GMDS: variants seen among roughly 807,000 people sequenced by gnomAD.
GMDS encodes the protein GDP-mannose 4,6 dehydratase.
Under a neutral mutation model 49.9 loss-of-function variants are expected in GMDS, and 20 were observed. The ratio of observed to expected loss-of-function variants is 0.40; its 90% CI spans 0.28 to 0.58. The LOEUF (loss-of-function observed/expected upper bound fraction) is 0.58, where lower values mean the gene tolerates loss of function less well. GMDS is among the 20% of genes least tolerant of loss of function. The pLI is 0.42. For missense variants in GMDS, 362 were observed against 481.4 expected (o/e 0.75, Z 2.32); for synonymous variants, 177 against 178.6 (o/e 0.99, Z 0.07).
chr6:2,192,969 G>A (rs531067120), intron 1 of GMDS, among the ~76,000 whole-genome samples: 1 of 152,332 alleles, frequency 6.6e-6, no homozygotes, highest in Non-Finnish European at 1.5e-5. Context: ...ACTATTTCCA[G>A]AAAGTGGCAG....
chr6:1,933,329 C>T (rs1409671762), intron 6 of GMDS, among the ~76,000 whole-genome samples: 2 of 152,192 alleles, frequency 1.3e-5, no homozygotes, highest in African/African-American at 4.8e-5. Context: ...GTGAATAATG[C>T]TACCATGAGC....
intron 1 of GMDS, among the ~76,000 whole-genome samples, chr6:2,167,647 T>G (rs889691056): frequency 6.6e-6 from 1 of 152,072 alleles, no homozygotes; most frequent in South Asian, 2.1e-4. Flanking sequence ...ACACGTAATA[T>G]GCCCTTTCCT....
intron 2 of GMDS, 41 bp from the exon 3 acceptor site, chr6:2,117,597 A>T (rs1774916282): frequency 1.0e-6 from 1 of 961,528 alleles, no homozygotes; most frequent in South Asian, 1.3e-5. Context: ...TGCAATGAGG[A>T]CTAATAAACA....
chr6:2,240,509 C>A (rs966551315), intron 1 of GMDS, among the ~76,000 whole-genome samples: 1 of 150,196 alleles, frequency 6.7e-6, no homozygotes, highest in Admixed American at 6.7e-5. Context: ...GCAGCTAAGG[C>A]ACGAGAATCA....
At chr6:2,093,589 T>C (rs556312437) in intron 4 of GMDS, among the ~76,000 whole-genome samples, 88 of 152,226 alleles carry the variant, frequency 5.8e-4, no homozygotes, top group African/African-American at 2.1e-3. Flanking sequence ...AATATGAGGT[T>C]AAAAATCATT....
intron 7 of GMDS, among the ~76,000 whole-genome samples, chr6:1,889,812 A>G (rs1050267133): frequency 1.3e-5 from 2 of 152,152 alleles, no homozygotes; most frequent in Admixed American, 6.5e-5. Context: ...GTGTACTTTC[A>G]GTGTCTATGG....
At chr6:1,757,678 G>C (rs1440398581) in intron 7 of GMDS, among the ~76,000 whole-genome samples, 5 of 152,192 alleles carry the variant, frequency 3.3e-5, no homozygotes, top group Non-Finnish European at 7.3e-5. Flanking sequence ...TAGGTTTCTT[G>C]GTTGAAGTGT....
In GMDS at chr6:1,749,690, T is replaced by C. The variant is rs112423915; in HGVS notation, c.772-7104A>G. ...TACAAGTGGGTATCTATGAGGATAG[T>C]TTCTGCTTCTCTCTAATAGGTAATA... On this transcript the variant is annotated intron_variant, in intron 7 of 10. Coordinates refer to ENST00000380815, the MANE Select transcript of GMDS (RefSeq NM_001500.4). Among the ~76,000 whole-genome samples the C allele has an allele frequency of 1.9e-3, 291 of 152,326 alleles. 1 individual carries two copies. The highest frequency in any genetic ancestry group is 6.6e-3 in the African/African-American group (273 of 41,576).
intron 9 of GMDS, chr6:1,624,767 G>GATCCACCCCCAGCTACCTCC (rs1470030542): frequency 6.7e-5 from 31 of 459,662 alleles, no homozygotes; most frequent in Middle Eastern, 6.0e-4. Flanking sequence ...CCGTGACCGC[G>GATCCACCCCCAGCTACCTCC]ATCCACCCCC....
In GMDS at chr6:1,957,513, T is replaced by C. The variant is rs144407759; in HGVS notation, c.643+2354A>G. 1.1e-3 allele frequency among the ~76,000 whole-genome samples: 165 copies of C among 152,310 alleles called. 1 individual carries two copies. The highest frequency in any genetic ancestry group is 5.4e-3 in the Admixed American group (83 of 15,304). On this transcript the variant is annotated intron_variant, in intron 6 of 10. Coordinates refer to ENST00000380815, the MANE Select transcript of GMDS (RefSeq NM_001500.4). ...ATCTCTTTTTCTCATTATTTGATCA[T>C]ATAGTTAAAAATGTGGTACCACTGA...
chr6:2,026,831 T>C (rs1768631293), intron 4 of GMDS, among the ~76,000 whole-genome samples: 1 of 152,230 alleles, frequency 6.6e-6, no homozygotes, highest in African/African-American at 2.4e-5. Context: ...ATATACTTTG[T>C]AACTTGACTA....
rs115849682 is a variant in GMDS, at chr6:2,064,893, T to C, written c.345+50878A>G. 6.8e-3 allele frequency among the ~76,000 whole-genome samples: 1,028 copies of C among 152,176 alleles called. 10 individuals are homozygous for C. The highest frequency in any genetic ancestry group is 0.024 in the African/African-American group (979 of 41,494). On this transcript the variant is annotated intron_variant, in intron 4 of 10. Coordinates refer to ENST00000380815, the MANE Select transcript of GMDS (RefSeq NM_001500.4). ...TCCTATAAAGTTCACAATAACCCAA[T>C]AGTACTGTTATGGATAAGGAAGCTG...
chr6:1,749,103 T>C (rs1767625427), intron 7 of GMDS, among the ~76,000 whole-genome samples: 1 of 152,170 alleles, frequency 6.6e-6, no homozygotes, highest in African/African-American at 2.4e-5. Context: ...CCAACTTCAT[T>C]GCACGCTTTG....
At chr6:2,169,629 A>C (rs1210090811) in intron 1 of GMDS, among the ~76,000 whole-genome samples, 2 of 151,914 alleles carry the variant, frequency 1.3e-5, no homozygotes, top group Non-Finnish European at 2.9e-5. Flanking sequence ...AGCAAAAAAA[A>C]AAAAAAACAA....
chr6:1,674,560 C>CTTTTTTTTTTTT (rs869292549), intron 9 of GMDS, among the ~76,000 whole-genome samples: 4 of 73,456 alleles, frequency 5.4e-5, no homozygotes, highest in Non-Finnish European at 6.8e-5. Flanking sequence ...CTCTCTCTCT[C>CTTTTTTTTTTTT]TTTTTTTTTT....
intron 1 of GMDS, among the ~76,000 whole-genome samples, chr6:2,190,579 T>C (rs1441044175): frequency 6.6e-6 from 1 of 152,188 alleles, no homozygotes; most frequent in African/African-American, 2.4e-5. Flanking sequence ...TGCCACAATT[T>C]GGGAGAGAAT....
At chr6:1,827,819 G>C (rs1771193028) in intron 7 of GMDS, among the ~76,000 whole-genome samples, 1 of 152,104 alleles carries the variant, frequency 6.6e-6, no homozygotes, top group Non-Finnish European at 1.5e-5. Flanking sequence ...GGAAATGCTA[G>C]GGAAGGGAAA....
At chr6:1,821,775 A>C (rs2113705425) in intron 7 of GMDS, among the ~76,000 whole-genome samples, 1 of 152,264 alleles carries the variant, frequency 6.6e-6, no homozygotes, top group East Asian at 1.9e-4. Context: ...ATTTGAAAGA[A>C]GACCTAGTTT....
chr6:1,658,503 C>T (rs1240455833), intron 9 of GMDS, among the ~76,000 whole-genome samples: 1 of 152,228 alleles, frequency 6.6e-6, no homozygotes, highest in African/African-American at 2.4e-5. Context: ...GAGGGAAGCT[C>T]TCCATCATTA....
Sources: gnomAD v4.1 joint callset for allele counts (sites outside exome capture counted in the v4.1 genomes callset) on GRCh38, gnomAD v4.1.1 for gene constraint, MANE v1.5 for transcripts, NCBI Gene and HGNC (gene_info 2026-07-23, HGNC 2026-07-21) for gene names.